GPHN: variants seen among roughly 807,000 people sequenced by gnomAD.
GPHN encodes the protein gephyrin.
In GPHN, 17 loss-of-function variants were observed where a neutral mutation model predicts 95.5. The observed-to-expected ratio is 0.18, with a 90% CI of 0.12 to 0.27. The LOEUF (loss-of-function observed/expected upper bound fraction) is 0.27. Ranked by LOEUF, GPHN falls within the 10% of genes least tolerant of loss-of-function variation. The probability of loss-of-function intolerance (pLI) is 1.00; values close to 1 mark genes in which losing one functional copy is unlikely to be tolerated. For synonymous variants in GPHN, 320 were observed against 322.5 expected (o/e 0.99, Z 0.08); for missense variants, 660 against 978.1 (o/e 0.67, Z 4.34).
chr14:66,879,647 T>G (rs1195382074), intron 4 of GPHN, among the ~76,000 whole-genome samples: 1 of 152,074 alleles, frequency 6.6e-6, no homozygotes, highest in East Asian at 1.9e-4. Flanking sequence ...AGGCCACATT[T>G]TTAGAATTTA....
chr14:67,629,367 C>G, the GPHN span, among the ~76,000 whole-genome samples: 1 of 152,288 alleles, frequency 6.6e-6, no homozygotes, highest in South Asian at 2.1e-4. Context: ...ACAAAGAAAC[C>G]TGACATATGC....
the GPHN span, among the ~76,000 whole-genome samples, chr14:67,498,262 A>G: frequency 2.4e-4 from 36 of 152,266 alleles, no homozygotes; most frequent in African/African-American, 8.4e-4. Flanking sequence ...AAGACGTTCT[A>G]TAAGCTTCTG....
At chr14:66,992,096 C>A (rs1396553752) in intron 9 of GPHN, among the ~76,000 whole-genome samples, 1 of 151,960 alleles carries the variant, frequency 6.6e-6, no homozygotes, top group East Asian at 1.9e-4. Context: ...AATGAAAATA[C>A]TCATATGCCA....
At chr14:66,893,770 CA>C (rs1362347960) in intron 5 of GPHN, among the ~76,000 whole-genome samples, 1 of 152,074 alleles carries the variant, frequency 6.6e-6, no homozygotes, top group Non-Finnish European at 1.5e-5. Flanking sequence ...ACAAATGCTT[CA>C]AAGAGAATAA....
At chr14:67,052,757 C>T (rs1435660935) in intron 10 of GPHN, among the ~76,000 whole-genome samples, 1 of 152,154 alleles carries the variant, frequency 6.6e-6, no homozygotes, top group African/African-American at 2.4e-5. Flanking sequence ...TCTCAGACCA[C>T]AGTGCAATAA....
At chr14:66,649,317 G>A (rs1383336936) in intron 1 of GPHN, among the ~76,000 whole-genome samples, 6 of 151,898 alleles carry the variant, frequency 4.0e-5, no homozygotes, top group African/African-American at 1.5e-4. Flanking sequence ...CTGAGCAACA[G>A]AGTGAGACTC....
Position 67,113,034 on chromosome 14 carries a change from A to G in GPHN, c.1489A>G (p.Ile497Val). 1 of 1,613,910 alleles carries G rather than the reference A, an allele frequency of 6.2e-7. No homozygotes were observed. The highest frequency in any genetic ancestry group is 8.5e-7 in the Non-Finnish European group (1 of 1,179,824). Residue 497 changes from isoleucine (I) to valine (V), a missense_variant, in exon 16 of 23, where the codon ATT (isoleucine) becomes GTT (valine). This residue lies in a region of GPHN where 257 missense variants were observed against 376.2 expected (regional missense o/e 0.68). Transcript: ENST00000478722. ...GQDIRPIGHD[I>V]KRGECVLAKG... ...GACTTTCAGACCCATCGGCCATGAC[A>G]TTAAAAGAGGGGAATGTGTTTTGGC...
chr14:67,076,042 A>G (rs891373951), intron 11 of GPHN, among the ~76,000 whole-genome samples: 2 of 152,194 alleles, frequency 1.3e-5, no homozygotes, highest in African/African-American at 4.8e-5. Flanking sequence ...TGCATGCTAC[A>G]GAGATATCTT....
intron 4 of GPHN, among the ~76,000 whole-genome samples, chr14:66,876,305 C>T (rs1269438408): frequency 6.6e-6 from 1 of 152,006 alleles, no homozygotes; most frequent in African/African-American, 2.4e-5. Context: ...TGGGAAAGAT[C>T]TAAAATCAAC....
chr14:66,545,905 C>T (rs904365404), intron 1 of GPHN, among the ~76,000 whole-genome samples: 28 of 150,538 alleles, frequency 1.9e-4, no homozygotes, highest in African/African-American at 5.1e-4. Context: ...GCTGGCCTAG[C>T]GGTGGGTGAC....
At chr14:66,676,499 AGT>A (rs2066594207) in intron 1 of GPHN, among the ~76,000 whole-genome samples, 1 of 151,804 alleles carries the variant, frequency 6.6e-6, no homozygotes, top group East Asian at 1.9e-4. Context: ...AATTTTTTAG[AGT>A]GTTTATTATG....
At chr14:67,206,751 G>C in the GPHN span, among the ~76,000 whole-genome samples, 1 of 151,598 alleles carries the variant, frequency 6.6e-6, no homozygotes, top group African/African-American at 2.4e-5. Flanking sequence ...TTATTATTTT[G>C]AGACAGTCTC....
chr14:66,756,178 T>C (rs2058548873), intron 2 of GPHN, among the ~76,000 whole-genome samples: 1 of 152,176 alleles, frequency 6.6e-6, no homozygotes, highest in Non-Finnish European at 1.5e-5. Flanking sequence ...TAAAAGTACT[T>C]ATGGAGTACA....
At chr14:67,179,858 T>C (rs1311659697) in intron 22 of GPHN, among the ~76,000 whole-genome samples, 184 bp downstream of exon 22, 1 of 152,390 alleles carries the variant, frequency 6.6e-6, no homozygotes, top group East Asian at 1.9e-4. Context: ...ATTAGAAGTT[T>C]ACTTATTTTA....
At chr14:67,234,937 C>T in the GPHN span, among the ~76,000 whole-genome samples, 1 of 151,076 alleles carries the variant, frequency 6.6e-6, no homozygotes, top group Non-Finnish European at 1.5e-5. Flanking sequence ...GGGTGGATCA[C>T]CTGAGGTCAG....
intron 10 of GPHN, among the ~76,000 whole-genome samples, chr14:67,057,560 A>G (rs879868646): frequency 6.6e-6 from 1 of 152,232 alleles, no homozygotes; most frequent in Non-Finnish European, 1.5e-5. Flanking sequence ...ACAAACCTGC[A>G]CATCCTGCAC....
chr14:66,940,020 A>G (rs1458298997), intron 8 of GPHN, among the ~76,000 whole-genome samples: 1 of 152,126 alleles, frequency 6.6e-6, no homozygotes, highest in Admixed American at 6.5e-5. Flanking sequence ...GAGAAGGGGG[A>G]CCAAAAGCTT....
At chr14:66,954,738 G>C (rs983675757) in intron 8 of GPHN, among the ~76,000 whole-genome samples, 10 of 152,158 alleles carry the variant, frequency 6.6e-5, no homozygotes, top group Admixed American at 3.9e-4. Context: ...TAAGGAGGAT[G>C]TTAGCTGTGG....
chr14:67,122,912 C>A (rs575609390), intron 17 of GPHN, among the ~76,000 whole-genome samples: 1 of 152,224 alleles, frequency 6.6e-6, no homozygotes, highest in East Asian at 1.9e-4. Flanking sequence ...AGCCTATTAC[C>A]CCCATCTACT....
Sources: gnomAD v4.1 joint callset for allele counts (sites outside exome capture counted in the v4.1 genomes callset) on GRCh38, gnomAD v4.1.1 for gene constraint, gnomAD v4.1.1 regional missense constraint, MANE v1.5 for transcripts, NCBI Gene and HGNC (gene_info 2026-07-23, HGNC 2026-07-21) for gene names.